GALNT17: variants seen among roughly 807,000 people sequenced by gnomAD.
The protein encoded by GALNT17 is UDP-GalNAc:polypeptide N-acetylgalactosaminyltransferase-like 3.
In GALNT17, 29 loss-of-function variants were observed where a neutral mutation model predicts 63.7. The observed-to-expected ratio is 0.46, with a 90% CI of 0.34 to 0.62. The LOEUF is 0.62. Ranked by LOEUF, GALNT17 falls within the 20% of genes least tolerant of loss-of-function variation. The probability of loss-of-function intolerance (pLI) is 0.01; values close to 1 mark genes in which losing one functional copy is unlikely to be tolerated. For missense variants in GALNT17, 603 were observed against 799.6 expected (o/e 0.75, Z 2.97); for synonymous variants, 305 against 318.3 (o/e 0.96, Z 0.45).
At chr7:71,242,404 G>T (rs766217567) in intron 1 of GALNT17, among the ~76,000 whole-genome samples, 17 of 151,564 alleles carry the variant, frequency 1.1e-4, no homozygotes, top group Admixed American at 3.3e-4. Flanking sequence ...GAGTAGCTGG[G>T]ACTACAGGCG....
At chr7:71,462,703 G>A (rs775785342) in intron 5 of GALNT17, among the ~76,000 whole-genome samples, 11 of 152,334 alleles carry the variant, frequency 7.2e-5, no homozygotes, top group Non-Finnish European at 1.3e-4. Flanking sequence ...CCAGGTCCCA[G>A]ATAGGTGAGA....
chr7:71,626,100 C>T (rs1488753563), intron 6 of GALNT17, among the ~76,000 whole-genome samples: 7 of 151,890 alleles, frequency 4.6e-5, no homozygotes, highest in South Asian at 2.1e-4. Context: ...AAAAATTAGC[C>T]GGGTGTGGTG....
intron 1 of GALNT17, among the ~76,000 whole-genome samples, chr7:71,312,269 C>G (rs1235064854): frequency 6.6e-6 from 1 of 152,210 alleles, no homozygotes; most frequent in African/African-American, 2.4e-5. Flanking sequence ...GCAACACCAC[C>G]AGCTCATCCT....
intron 9 of GALNT17, among the ~76,000 whole-genome samples, chr7:71,696,731 T>C (rs1404951968): frequency 1.3e-5 from 2 of 152,196 alleles, no homozygotes; most frequent in African/African-American, 4.8e-5. Context: ...GAGGGTTTTT[T>C]CCCAATGCAT....
At chr7:71,666,267 A>G (rs1790983789) in intron 7 of GALNT17, among the ~76,000 whole-genome samples, 1 of 151,550 alleles carries the variant, frequency 6.6e-6, no homozygotes, top group Admixed American at 6.6e-5. Context: ...CTGATGCAAA[A>G]TGGCATAGTG....
chr7:71,493,283 A>G (rs913599908), intron 5 of GALNT17, among the ~76,000 whole-genome samples: 2 of 152,156 alleles, frequency 1.3e-5, no homozygotes, highest in Non-Finnish European at 1.5e-5. Flanking sequence ...ATGTTGCCCC[A>G]GTTATCTGGA....
chr7:71,314,248 T>A (rs1345585487), intron 1 of GALNT17, among the ~76,000 whole-genome samples: 1 of 152,070 alleles, frequency 6.6e-6, no homozygotes, highest in Admixed American at 6.6e-5. Flanking sequence ...TGTGTGTGAG[T>A]GTGTGTCTGT....
chr7:71,530,202 T>A lies in GALNT17; in HGVS notation c.963-41083T>A, dbSNP rs1788693990. On this transcript the variant is annotated intron_variant, in intron 5 of 10. Transcript: ENST00000333538. ...GGTCCCTGCTGTCCCTCTAGCACAG[T>A]TCATATGCTCCTAAGTATCTGGATT... Among the ~76,000 whole-genome samples the A allele has an allele frequency of 1.3e-5, 2 of 152,166 alleles. 1 individual carries two copies. The highest frequency in any genetic ancestry group is 4.1e-4 in the South Asian group (2 of 4,828).
chr7:71,216,598 CTACACACA>C (rs1057499169), intron 1 of GALNT17, among the ~76,000 whole-genome samples: 95 of 148,938 alleles, frequency 6.4e-4, no homozygotes, highest in African/African-American at 2.1e-3. Flanking sequence ...ACATACATAT[CTACACACA>C]TACACACAGA....
intron 1 of GALNT17, among the ~76,000 whole-genome samples, chr7:71,170,192 A>G (rs1303533378): frequency 6.6e-6 from 1 of 152,130 alleles, no homozygotes; most frequent in African/African-American, 2.4e-5. Context: ...ATGTTGTGTA[A>G]TGAATGAATG....
intron 5 of GALNT17, among the ~76,000 whole-genome samples, chr7:71,536,497 A>G (rs1363125419): frequency 6.6e-6 from 1 of 152,248 alleles, no homozygotes; most frequent in African/African-American, 2.4e-5. Context: ...GGGAGGCCTC[A>G]GAATCATGGC....
At chr7:71,645,236 C>A (rs920232485) in intron 6 of GALNT17, among the ~76,000 whole-genome samples, 3 of 152,210 alleles carry the variant, frequency 2.0e-5, no homozygotes, top group Non-Finnish European at 2.9e-5. Flanking sequence ...GGTCTGTCCA[C>A]AGATGGTGAT....
intron 6 of GALNT17, among the ~76,000 whole-genome samples, chr7:71,664,818 A>G (rs978239310): frequency 6.6e-6 from 1 of 152,160 alleles, no homozygotes; most frequent in Admixed American, 6.5e-5. Flanking sequence ...TGGGCAGCTT[A>G]GGTTTATGGG....
At chr7:71,179,297 G>A (rs1284110195) in intron 1 of GALNT17, among the ~76,000 whole-genome samples, 1 of 152,142 alleles carries the variant, frequency 6.6e-6, no homozygotes, top group Non-Finnish European at 1.5e-5. Flanking sequence ...CCTCCTCCAT[G>A]CTTTGAGTTG....
intron 5 of GALNT17, among the ~76,000 whole-genome samples, chr7:71,452,057 A>G (rs1787271813): frequency 6.6e-6 from 1 of 152,152 alleles, no homozygotes; most frequent in African/African-American, 2.4e-5. Context: ...AAAAAATGAA[A>G]TGATAAATAA....
rs186536963 is a variant in GALNT17, at chr7:71,464,209, C to T, written c.962+43104C>T. Among the ~76,000 whole-genome samples the T allele has an allele frequency of 1.5e-4, 23 of 152,264 alleles. No homozygotes were observed. The South Asian group carries it at 3.3e-3, about 22-fold the overall frequency. On this transcript the variant is annotated intron_variant, in intron 5 of 10. Transcript: ENST00000333538. ...TTAAATGGACCTAACAGGATTCTTG[C>T]TAAAGGCAGGCCAAGGGCTCAGACA...
intron 1 of GALNT17, among the ~76,000 whole-genome samples, chr7:71,201,274 G>A (rs907983547): frequency 3.6e-5 from 4 of 111,682 alleles, no homozygotes; most frequent in African/African-American, 3.9e-5. Flanking sequence ...GTGTGCATGC[G>A]TGTATGGCTT....
At chr7:71,414,655 C>T (rs952754337) in intron 3 of GALNT17, among the ~76,000 whole-genome samples, 1 of 152,164 alleles carries the variant, frequency 6.6e-6, no homozygotes, top group Admixed American at 6.5e-5. Flanking sequence ...CATCCTGTTC[C>T]TGGGAAGAGC....
intron 5 of GALNT17, among the ~76,000 whole-genome samples, chr7:71,509,242 C>T (rs1482347025): frequency 6.6e-6 from 1 of 152,200 alleles, no homozygotes; most frequent in Admixed American, 6.5e-5. Flanking sequence ...CCCCGACAGC[C>T]GGCTAATGTA....
Sources: allele counts gnomAD v4.1 joint callset (sites outside exome capture counted in the v4.1 genomes callset), GRCh38; gene constraint gnomAD v4.1.1; transcripts MANE v1.5; gene names NCBI Gene and HGNC (gene_info 2026-07-23, HGNC 2026-07-21).